The following GPHN variants were observed in gnomAD, a reference collection of about 807,000 sequenced individuals.
The protein encoded by GPHN is gephyrin.
In GPHN, 17 loss-of-function variants were observed where a neutral mutation model predicts 95.5. The ratio of observed to expected loss-of-function variants is 0.18; its 90% CI spans 0.12 to 0.27. GPHN has a LOEUF of 0.27. Ranked by LOEUF, GPHN falls within the 10% of genes least tolerant of loss-of-function variation. The pLI is 1.00. For missense variants in GPHN, 660 were observed against 978.1 expected, an observed-to-expected ratio of 0.67 and a Z score of 4.34; for synonymous variants, 320 against 322.5, an observed-to-expected ratio of 0.99 and a Z score of 0.08.
At chr14:67,696,171 G>A in the GPHN span, among the ~76,000 whole-genome samples, 1 of 152,088 alleles carries the variant, frequency 6.6e-6, no homozygotes, top group Non-Finnish European at 1.5e-5. Flanking sequence ...ATACACTATA[G>A]GAATAGTACA....
the GPHN span, chr14:67,686,125 C>G: frequency 6.6e-6 from 1 of 152,232 alleles, no homozygotes; most frequent in Non-Finnish European, 1.5e-5. Context: ...ACTGCAGACA[C>G]ACTGGGAGTC....
chr14:67,439,046 G>A, the GPHN span, among the ~76,000 whole-genome samples: 2 of 152,144 alleles, frequency 1.3e-5, no homozygotes, highest in Admixed American at 6.5e-5. Context: ...GGGACCATGA[G>A]CCTTAGTCTA....
chr14:67,153,502 TCCAC>T (rs2153712480), intron 18 of GPHN, among the ~76,000 whole-genome samples: 1 of 152,244 alleles, frequency 6.6e-6, no homozygotes, highest in Non-Finnish European at 1.5e-5. Flanking sequence ...TCATGAGAAC[TCCAC>T]CCTCATCACC....
chr14:67,199,768 C>T, the GPHN span: 2 of 1,536,694 alleles, frequency 1.3e-6, no homozygotes, highest in Non-Finnish European at 8.9e-7. Context: ...CTCCACCAGG[C>T]ATGCCTCCTC....
intron 1 of GPHN, among the ~76,000 whole-genome samples, chr14:66,517,047 G>C (rs1266733988): frequency 7.4e-6 from 1 of 135,842 alleles, no homozygotes; most frequent in Non-Finnish European, 1.5e-5. Flanking sequence ...AGAATCACTT[G>C]AACCCCTGAG....
the GPHN span, among the ~76,000 whole-genome samples, chr14:67,607,292 C>G: frequency 1.8e-4 from 28 of 152,212 alleles, no homozygotes; most frequent in Non-Finnish European, 3.8e-4. Context: ...ACCACTACAC[C>G]TGGGTCCATC....
chr14:67,259,664 G>T, the GPHN span, among the ~76,000 whole-genome samples: 7 of 151,696 alleles, frequency 4.6e-5, 1 homozygote, highest in South Asian at 1.5e-3. Context: ...TAATCCCAGC[G>T]CCCTGAGAGG....
the GPHN span, among the ~76,000 whole-genome samples, chr14:67,676,055 C>T: frequency 6.6e-6 from 1 of 152,116 alleles, no homozygotes; most frequent in Admixed American, 6.5e-5. Context: ...TGAGATCGTG[C>T]CACCACACTC....
the GPHN span, chr14:67,690,917 C>T: frequency 1.7e-5 from 9 of 539,384 alleles, no homozygotes; most frequent in Non-Finnish European, 2.6e-5. Context: ...TTAAAAAATG[C>T]GCCAAGGCAA....
chr14:66,789,853 A>G (rs2059911289), intron 3 of GPHN, among the ~76,000 whole-genome samples: 1 of 152,186 alleles, frequency 6.6e-6, no homozygotes, highest in Admixed American at 6.5e-5. Flanking sequence ...CATAACTGAC[A>G]TTAGCTATCC....
chr14:66,641,519 C>G (rs2064409238), intron 1 of GPHN, among the ~76,000 whole-genome samples: 1 of 151,994 alleles, frequency 6.6e-6, no homozygotes, highest in Non-Finnish European at 1.5e-5. Context: ...AATCTGCATG[C>G]ACATAGTGAG....
At chr14:67,512,831 G>GA in the GPHN span, among the ~76,000 whole-genome samples, 4 of 151,816 alleles carry the variant, frequency 2.6e-5, no homozygotes, top group Middle Eastern at 0.01. Flanking sequence ...GAGGTAAGCA[G>GA]AAAAAAAAGC....
chr14:67,363,032 C>T, the GPHN span, among the ~76,000 whole-genome samples: 1 of 152,192 alleles, frequency 6.6e-6, no homozygotes, highest in Non-Finnish European at 1.5e-5. Context: ...CCCCTAAAAG[C>T]ATCACCTTTA....
At chr14:67,220,615 A>G in the GPHN span, among the ~76,000 whole-genome samples, 2 of 152,228 alleles carry the variant, frequency 1.3e-5, no homozygotes, top group South Asian at 2.1e-4. Flanking sequence ...TTTACTTTAT[A>G]AAACATTTAT....
chr14:67,147,408 G>A (rs2080962478), intron 18 of GPHN, among the ~76,000 whole-genome samples: 1 of 152,226 alleles, frequency 6.6e-6, no homozygotes, highest in African/African-American at 2.4e-5. Context: ...ATACTTGAGA[G>A]CTGTGCTTAA....
At chr14:67,365,044 A>T in the GPHN span, 1 of 1,539,080 alleles carries the variant, frequency 6.5e-7, no homozygotes, top group East Asian at 2.3e-5. Flanking sequence ...TAAATTTCAG[A>T]TTTAAAATGG....
At chr14:66,711,239 GCCTTTGTGT>G (rs2069593155) in intron 2 of GPHN, among the ~76,000 whole-genome samples, 1 of 152,038 alleles carries the variant, frequency 6.6e-6, no homozygotes, top group Non-Finnish European at 1.5e-5. Context: ...TCATTCTTAT[GCCTTTGTGT>G]CCTCATAGCT....
At chr14:67,664,889 CTG>C in the GPHN span, among the ~76,000 whole-genome samples, 1 of 152,072 alleles carries the variant, frequency 6.6e-6, no homozygotes, top group South Asian at 2.1e-4. Flanking sequence ...TTTTTTGAGA[CTG>C]TGTCTCACTC....
intron 4 of GPHN, among the ~76,000 whole-genome samples, chr14:66,838,414 A>G (rs952364038): frequency 7.9e-5 from 12 of 152,164 alleles, no homozygotes; most frequent in African/African-American, 2.7e-4. Flanking sequence ...AAAGTACACA[A>G]TAGTATAGTT....
Sources: gnomAD v4.1 joint callset for allele counts (sites outside exome capture counted in the v4.1 genomes callset) on GRCh38, gnomAD v4.1.1 for gene constraint, MANE v1.5 for transcripts, NCBI Gene and HGNC (gene_info 2026-07-23, HGNC 2026-07-21) for gene names.